Variants in ACTB observed in about 807,000 individuals in gnomAD.
ACTB encodes the protein actin beta, also known as actin, cytoplasmic 1.
ACTB carries 2 observed loss-of-function variants against 30.5 expected under a neutral mutation model. That is an observed-to-expected ratio of 0.07 (90% CI 0.03 to 0.21). The LOEUF is 0.21. ACTB is among the 10% of genes least tolerant of loss of function. ACTB has a pLI of 1.00. For missense variants in ACTB, 56 were observed against 530.0 expected, an observed-to-expected ratio of 0.11 and a Z score of 8.78; for synonymous variants, 335 against 217.6, an observed-to-expected ratio of 1.54 and a Z score of -4.75.
At chr7:5,528,231 C>A (rs372006500) in intron 4 of ACTB, 46 bp from the exon 5 acceptor site, 1 of 1,613,792 alleles carries the variant, frequency 6.2e-7, no homozygotes, top group Non-Finnish European at 8.5e-7. Flanking sequence ...AGCACAGCCC[C>A]GAGGGGTAAC....
chr7:5,529,914 G>C (rs1584263906), intron 1 of ACTB: 3 of 451,530 alleles, frequency 6.6e-6, no homozygotes, highest in Admixed American at 4.6e-5. Flanking sequence ...GGTTCAAACA[G>C]CGCCGGGTCG....
chr7:5,528,932 T>C, intron 3 of ACTB: 11 of 1,501,096 alleles, frequency 7.3e-6, no homozygotes, highest in Non-Finnish European at 8.2e-6. Context: ...CCAGTGTTAG[T>C]ACCTACACCC....
intron 1 of ACTB, chr7:5,529,889 GC>G: frequency 1.5e-6 from 1 of 686,378 alleles, no homozygotes; most frequent in Non-Finnish European, 2.5e-6. Context: ...CCGGGCGCCA[GC>G]CCCGCCTCCG....
chr7:5,528,967 C>G (rs1290455428), intron 3 of ACTB, 194 bp downstream of exon 3: 7 of 1,560,120 alleles, frequency 4.5e-6, no homozygotes, highest in Non-Finnish European at 5.2e-6. Context: ...GACACCTAGT[C>G]AGAGAGACAA....
At chr7:5,529,435 G>A in intron 2 of ACTB, 35 bp from the exon 3 acceptor site, 1 of 1,613,650 alleles carries the variant, frequency 6.2e-7, no homozygotes, top group African/African-American at 1.3e-5. Flanking sequence ...CTGAGCACGG[G>A]CGCAGCCCCC....
intron 1 of ACTB, among the ~76,000 whole-genome samples, chr7:5,530,192 C>T (rs994345767): frequency 6.6e-6 from 1 of 152,012 alleles, no homozygotes; most frequent in African/African-American, 2.4e-5. Flanking sequence ...CCCCAGCCCC[C>T]ACCGGGCCTG....
chr7:5,527,287 G>C lies in ACTB; in HGVS notation c.*461C>G, dbSNP rs1784783838. 2.5e-5 allele frequency: 6 copies of C among 240,856 alleles called. No homozygotes were observed. The highest frequency in any genetic ancestry group is 2.2e-4 in the South Asian group (5 of 23,058). The allele number at this position is 240,856 out of a possible 1,614,324, so 14.9% of individuals were successfully genotyped here. ...GGGGACAAAAAAGGGGGAAGGGGGGGCACGAAGGCTCATCATTCAAAATAA... is the reference window on the plus strand; with the variant it reads ...GGGGACAAAAAAGGGGGAAGGGGGGCCACGAAGGCTCATCATTCAAAATAA... On this transcript the variant is annotated 3_prime_UTR_variant, in exon 6 of 6. Transcript: ENST00000646664.
chr7:5,527,664 T>C lies in ACTB; in HGVS notation c.*84A>G, dbSNP rs1237563102. ...ACCAAAACAAAACAAAAAAAACAAA[T>C]AAAGCCATGCCAATCTCATCTTGTT... On this transcript the variant is annotated 3_prime_UTR_variant, in exon 6 of 6. Transcript: ENST00000646664. 3 of 1,426,986 alleles carry C rather than the reference T, an allele frequency of 2.1e-6. No individual in the cohort carries two copies. The highest frequency in any genetic ancestry group is 2.9e-6 in the Non-Finnish European group (3 of 1,049,500). The allele number at this position is 1,426,986 out of a possible 1,614,324, so 88.4% of individuals were successfully genotyped here.
At position 5,529,525 on chromosome 7, in the gene ACTB, G is replaced by T; in HGVS notation, c.123+10C>A. On this transcript the variant is annotated intron_variant, in intron 2 of 5. Transcript: ENST00000646664. ...CTCCCGGGGCTGCCCCACCCAGCCA[G>T]CTCCCCTACCTGGTGCCTGGGGCGC... 1 of 1,611,412 alleles carries T rather than the reference G, an allele frequency of 6.2e-7. No individual in the cohort carries two copies. The highest frequency in any genetic ancestry group is 8.5e-7 in the Non-Finnish European group (1 of 1,179,008).
In ACTB at chr7:5,527,651, CAAAA is replaced by C. The variant is rs372205322; in HGVS notation, c.*93_*96del. 9.0e-6 allele frequency: 12 copies of C among 1,326,622 alleles called. No homozygotes were observed. In the East Asian group the frequency reaches 3.0e-4, roughly 33 times the overall value. The allele number at this position is 1,326,622 out of a possible 1,614,324, so 82.2% of individuals were successfully genotyped here. A position where few individuals can be genotyped will look rare whatever the true frequency, so the allele number is the denominator to read the frequency against. Reference sequence around the variant, plus strand: ...AAAAAAAAAAAAAACCAAAACAAAACAAAAAAAACAAATAAAGCCATGCCAATCT... The same window carrying C: ...AAAAAAAAAAAAAACCAAAACAAAACAAAACAAATAAAGCCATGCCAATCT... On this transcript the variant is annotated 3_prime_UTR_variant, in exon 6 of 6. Coordinates refer to ENST00000646664, the MANE Select transcript of ACTB (RefSeq NM_001101.5).
At chr7:5,530,280 C>T (rs1432643233) in intron 1 of ACTB, among the ~76,000 whole-genome samples, 2 of 152,062 alleles carry the variant, frequency 1.3e-5, no homozygotes, top group Admixed American at 6.5e-5. Flanking sequence ...CCGGTTGCCC[C>T]CGCCCCGAGA....
rs766542363 is a variant in ACTB, at chr7:5,527,899, G to A, written c.985-8C>T. 9.3e-6 allele frequency: 15 copies of A among 1,612,910 alleles called. No individual in the cohort carries two copies. The highest frequency in any genetic ancestry group is 1.7e-5 in the Admixed American group (1 of 59,986). On this transcript the variant is annotated splice_polypyrimidine_tract_variant and splice_region_variant and intron_variant, in intron 5 of 5. Coordinates refer to ENST00000646664, the MANE Select transcript of ACTB (RefSeq NM_001101.5). ...CTCAGGAGGAGCAATGATCTGAGGA[G>A]GGAAGGGGACAGGCAGTGAGGACCC...
Position 5,527,747 on chromosome 7 carries a change from C to T in ACTB, c.*1G>A. 6.2e-7 allele frequency: 1 copy of T among 1,613,654 alleles called. No individual in the cohort carries two copies. ...TGTAACGCAACTAAGTCATAGTCCG[C>T]CTAGAAGCATTTGCGGTGGACGATG... On this transcript the variant is annotated 3_prime_UTR_variant, in exon 6 of 6. Transcript: ENST00000646664.
chr7:5,529,780 G>C (rs751328534), intron 1 of ACTB, 117 bp from the exon 2 acceptor site: 5 of 1,520,152 alleles, frequency 3.3e-6, no homozygotes, highest in South Asian at 2.3e-5. Flanking sequence ...TGGGGACAAA[G>C]GAAGCCGGGC....
chr7:5,530,315 C>G (rs1035510252), intron 1 of ACTB, among the ~76,000 whole-genome samples: 1 of 152,036 alleles, frequency 6.6e-6, no homozygotes, highest in Non-Finnish European at 1.5e-5. Flanking sequence ...GCGCGCCTCC[C>G]GAGCGCGGCC....
rs748837982 is a variant in ACTB at position 5,528,585 on chromosome 7, G to A, written c.498C>T (p.Tyr166=). 19 of 1,613,902 alleles carry A rather than the reference G, an allele frequency of 1.2e-5. No individual in the cohort carries two copies. The highest frequency in any genetic ancestry group is 6.7e-5 in the East Asian group (3 of 44,898). The change falls in exon 4 of 6, where the codon TAC becomes TAT. Residue 166 remains tyrosine (Y), a synonymous_variant. Coordinates refer to ENST00000646664, the MANE Select transcript of ACTB (RefSeq NM_001101.5). ...GDGVTHTVPI[Y]EGYALPHAIL... ...TGGCATGGGGGAGGGCATACCCCTC[G>A]TAGATGGGCACAGTGTGGGTGACCC...
chr7:5,529,010 A>C, intron 3 of ACTB, 151 bp downstream of exon 3: 2 of 1,607,548 alleles, frequency 1.2e-6, no homozygotes, highest in Non-Finnish European at 1.7e-6. Context: ...GGGAAAAAGC[A>C]AATAGAACCT....
chr7:5,528,785 G>T, intron 3 of ACTB, 66 bp from the exon 4 acceptor site: 5 of 1,570,468 alleles, frequency 3.2e-6, no homozygotes, highest in East Asian at 2.2e-5. Flanking sequence ...CCAGACGGGG[G>T]ACATGCAGAA....
intron 1 of ACTB, chr7:5,530,081 G>T (rs537209404): frequency 2.6e-5 from 4 of 153,456 alleles, no homozygotes; most frequent in African/African-American, 9.7e-5. Context: ...GAACGCACGC[G>T]CAGTTAGCGC....
Sources: allele counts gnomAD v4.1 joint callset (sites outside exome capture counted in the v4.1 genomes callset), GRCh38; gene constraint gnomAD v4.1.1; transcripts MANE v1.5; gene names NCBI Gene and HGNC (gene_info 2026-07-23, HGNC 2026-07-21).